Variants in PTGR1 observed in about 807,000 individuals in gnomAD.
PTGR1 encodes the protein 15-oxoprostaglandin 13-reductase.
Under a neutral mutation model 37.7 loss-of-function variants are expected in PTGR1, and 23 were observed. The observed-to-expected ratio is 0.61, with a 90% confidence interval of 0.44 to 0.86. The LOEUF is 0.86. PTGR1 is among the 40% of genes least tolerant of loss of function. The pLI is 0.00. For synonymous variants in PTGR1, 134 were observed against 140.0 expected (o/e 0.96, Z 0.30); for missense variants, 351 against 394.3 (o/e 0.89, Z 0.93).
At chr9:111,557,038 G>A (rs1828143618) in intron 9 of PTGR1, among the ~76,000 whole-genome samples, 1 of 152,212 alleles carries the variant, frequency 6.6e-6, no homozygotes, top group African/African-American at 2.4e-5. Flanking sequence ...TTGATGGAAA[G>A]GGCTGCCGCG....
At chr9:111,586,794 T>TCC (rs1229332464) in intron 4 of PTGR1, among the ~76,000 whole-genome samples, 1 of 147,474 alleles carries the variant, frequency 6.8e-6, no homozygotes, top group Admixed American at 6.8e-5. Context: ...TCTCTCTCTC[T>TCC]CTCTCTCTCT....
intron 4 of PTGR1, among the ~76,000 whole-genome samples, chr9:111,591,671 A>G (rs1396135539): frequency 4.6e-5 from 7 of 152,128 alleles, no homozygotes; most frequent in African/African-American, 1.7e-4. Context: ...CTGGCCCACA[A>G]TTTTTGAAAT....
chr9:111,578,965 A>G lies in PTGR1; in HGVS notation c.496-14T>C, dbSNP rs1445839753. On this transcript the variant is annotated splice_polypyrimidine_tract_variant and intron_variant, in intron 6 of 9. Coordinates refer to ENST00000407693, the MANE Select transcript of PTGR1 (RefSeq NM_001146108.2). ...AACTTTGCAGCCCTAAGTAGAAAAA[A>G]AAAAAAAAAGGAAACCATGAATAAG... 2 of 1,570,330 alleles carry G rather than the reference A, an allele frequency of 1.3e-6. No individual in the cohort carries two copies. Among genetic ancestry groups the G allele is most frequent in the South Asian group, 1.2e-5 (1 of 83,392 alleles).
intron 9 of PTGR1, among the ~76,000 whole-genome samples, chr9:111,567,064 T>A (rs1828591877): frequency 6.7e-6 from 1 of 150,284 alleles, no homozygotes; most frequent in Non-Finnish European, 1.5e-5. Flanking sequence ...CCAGCCTGGG[T>A]GTCTGAGACC....
downstream of PTGR1, among the ~76,000 whole-genome samples, chr9:111,557,591 CCTG>C (rs1241765404): frequency 3.3e-5 from 5 of 151,760 alleles, no homozygotes; most frequent in African/African-American, 1.2e-4. Flanking sequence ...GCCACCATGC[CCTG>C]CTAATTTTTG....
At chr9:111,586,193 A>G (rs771179591) in intron 4 of PTGR1, 28 bp from the exon 5 acceptor site, 77 of 1,605,570 alleles carry the variant, frequency 4.8e-5, no homozygotes, top group Non-Finnish European at 6.3e-5. Context: ...TTAAGGCATT[A>G]AGGCATGTGA....
intron 9 of PTGR1, among the ~76,000 whole-genome samples, chr9:111,555,137 C>T (rs1828084757): frequency 6.6e-6 from 1 of 152,080 alleles, no homozygotes; most frequent in Admixed American, 6.6e-5. Context: ...ACTTAGTATC[C>T]TGTTTTTAGT....
intron 7 of PTGR1, chr9:111,577,689 A>G (rs1829119597): frequency 6.6e-6 from 1 of 152,108 alleles, no homozygotes; most frequent in Admixed American, 6.6e-5. Context: ...TACTAAAAAT[A>G]TAAAAATTAG....
Position 111,566,451 on chromosome 9 carries a change from A to G in PTGR1, c.880-3220T>C, listed in dbSNP as rs891156848. 1.7e-4 allele frequency among the ~76,000 whole-genome samples: 26 copies of G among 152,336 alleles called. 1 individual carries two copies. Among genetic ancestry groups the G allele is most frequent in the Admixed American group, 3.9e-4 (6 of 15,306 alleles). On this transcript the variant is annotated intron_variant, in intron 9 of 9. Coordinates refer to ENST00000407693, the MANE Select transcript of PTGR1 (RefSeq NM_001146108.2). The stretch of plus-strand genomic sequence containing the variant: ...CCAGTGGCTGCTGGAGGAGCAATCT[A>G]TTCTTTGGAATTGGGAAATGATCAT...
At chr9:111,589,907 T>C (rs1829556893) in intron 4 of PTGR1, among the ~76,000 whole-genome samples, 1 of 152,194 alleles carries the variant, frequency 6.6e-6, no homozygotes, top group Non-Finnish European at 1.5e-5. Flanking sequence ...AGTGCTGGGA[T>C]TGCAAGCGTG....
chr9:111,596,763 G>GA (rs1342884376), intron 2 of PTGR1, among the ~76,000 whole-genome samples: 4 of 149,220 alleles, frequency 2.7e-5, no homozygotes, highest in Non-Finnish European at 4.5e-5. Context: ...CTCCATCTCA[G>GA]AAAAAATACA....
downstream of PTGR1, among the ~76,000 whole-genome samples, chr9:111,560,445 G>T (rs186919301): frequency 3.8e-3 from 525 of 138,054 alleles, 1 homozygote; most frequent in African/African-American, 0.014. Context: ...CTGCACTCCA[G>T]CCTGGGTGAC....
intron 2 of PTGR1, among the ~76,000 whole-genome samples, chr9:111,595,513 T>C (rs952801479): frequency 1.3e-5 from 2 of 152,236 alleles, no homozygotes; most frequent in African/African-American, 2.4e-5. Flanking sequence ...CTTTGGAATT[T>C]TGAATTTGAG....
At chr9:111,595,961 G>C (rs749511747) in intron 2 of PTGR1, among the ~76,000 whole-genome samples, 2 of 152,114 alleles carry the variant, frequency 1.3e-5, no homozygotes, top group African/African-American at 2.4e-5. Flanking sequence ...TGAACTCTTC[G>C]TATAGCTACT....
chr9:111,589,113 C>T (rs1174836980), intron 4 of PTGR1, among the ~76,000 whole-genome samples: 1 of 152,192 alleles, frequency 6.6e-6, no homozygotes, highest in Non-Finnish European at 1.5e-5. Flanking sequence ...GTATTATCTC[C>T]ATTACTATTA....
In PTGR1 at chr9:111,578,962, A is replaced by T; in HGVS notation, c.496-11T>A. ...AACAACTTTGCAGCCCTAAGTAGAA[A>T]AAAAAAAAAAAAGGAAACCATGAAT... On this transcript the variant is annotated splice_polypyrimidine_tract_variant and intron_variant, in intron 6 of 9. Coordinates refer to ENST00000407693, the MANE Select transcript of PTGR1 (RefSeq NM_001146108.2). 9 of 1,394,578 alleles carry T rather than the reference A, an allele frequency of 6.5e-6. No individual in the cohort carries two copies. The highest frequency in any genetic ancestry group is 8.7e-6 in the Non-Finnish European group (9 of 1,036,860). The allele number at this position is 1,394,578 out of a possible 1,614,324, so 86.4% of individuals were successfully genotyped here. A position where few individuals can be genotyped will look rare whatever the true frequency, so the allele number is the denominator to read the frequency against.
At chr9:111,598,583 C>T (rs904383254) in intron 1 of PTGR1, among the ~76,000 whole-genome samples, 1 of 152,188 alleles carries the variant, frequency 6.6e-6, no homozygotes, top group East Asian at 1.9e-4. Context: ...CAACCTCCGT[C>T]TCCCGGGTTC....
chr9:111,590,743 T>C (rs961769187), intron 4 of PTGR1, among the ~76,000 whole-genome samples: 8 of 152,190 alleles, frequency 5.3e-5, no homozygotes, highest in African/African-American at 1.9e-4. Flanking sequence ...TTTATACTTC[T>C]GGGAACTTAA....
chr9:111,566,393 C>A (rs1828563534), intron 9 of PTGR1, among the ~76,000 whole-genome samples: 1 of 152,182 alleles, frequency 6.6e-6, no homozygotes, highest in Non-Finnish European at 1.5e-5. Flanking sequence ...CAGCCCGGCA[C>A]TGCAAGTGCT....
Sources: gnomAD v4.1 joint callset for allele counts (sites outside exome capture counted in the v4.1 genomes callset) on GRCh38, gnomAD v4.1.1 for gene constraint, MANE v1.5 for transcripts, NCBI Gene and HGNC (gene_info 2026-07-23, HGNC 2026-07-21) for gene names.